TIAM1: variants seen among roughly 807,000 people sequenced by gnomAD.
TIAM1 encodes the protein TIAM Rac1 associated GEF 1, also known as rho guanine nucleotide exchange factor TIAM1.
Under a neutral mutation model 163.5 loss-of-function variants are expected in TIAM1, and 65 were observed. That is an observed-to-expected ratio of 0.40 (90% CI 0.33 to 0.49). TIAM1 has a LOEUF of 0.49. Ranked by LOEUF, TIAM1 falls within the 20% of genes least tolerant of loss-of-function variation. The probability of loss-of-function intolerance (pLI) is 0.77; values close to 1 mark genes in which losing one functional copy is unlikely to be tolerated. For synonymous variants in TIAM1, 833 were observed against 810.1 expected, an observed-to-expected ratio of 1.03 and a Z score of -0.48; for missense variants, 1,789 against 2,044.7, an observed-to-expected ratio of 0.87 and a Z score of 2.41.
At chr21:31,275,888 A>T (rs1483310552) in intron 3 of TIAM1, among the ~76,000 whole-genome samples, 1 of 152,242 alleles carries the variant, frequency 6.6e-6, no homozygotes, top group Non-Finnish European at 1.5e-5. Context: ...GATGTAAGTT[A>T]TAATGATTAA....
At chr21:31,191,227 T>C (rs2085547863) in intron 13 of TIAM1, among the ~76,000 whole-genome samples, 1 of 152,054 alleles carries the variant, frequency 6.6e-6, no homozygotes, top group African/African-American at 2.4e-5. Context: ...AGTGGCACAA[T>C]CTCAGCTCAC....
intron 2 of TIAM1, among the ~76,000 whole-genome samples, chr21:31,441,193 C>T (rs1165985213): frequency 6.6e-6 from 1 of 152,168 alleles, no homozygotes; most frequent in African/African-American, 2.4e-5. Context: ...TGCCTTTTTC[C>T]ATGTGAAAGC....
At chr21:31,370,387 T>G (rs1423373903) in intron 2 of TIAM1, among the ~76,000 whole-genome samples, 1 of 152,228 alleles carries the variant, frequency 6.6e-6, no homozygotes, top group African/African-American at 2.4e-5. Flanking sequence ...ATGGCTTTTT[T>G]ATGTTCTTAT....
chr21:31,234,387 G>A (rs2088626704), intron 6 of TIAM1, among the ~76,000 whole-genome samples: 1 of 144,614 alleles, frequency 6.9e-6, no homozygotes, highest in African/African-American at 2.6e-5. Flanking sequence ...AGGAAGGGAG[G>A]GAGGGAGGGA....
intron 4 of TIAM1, among the ~76,000 whole-genome samples, chr21:31,256,506 T>C (rs1379660113): frequency 2.0e-5 from 3 of 151,862 alleles, no homozygotes; most frequent in Non-Finnish European, 2.9e-5. Flanking sequence ...ATTAGAACTG[T>C]TTCTGGCTTG....
In TIAM1 at chr21:31,423,871, G is replaced by A. The variant is rs1352391381; in HGVS notation, c.-369+40112C>T. Among the ~76,000 whole-genome samples the A allele has an allele frequency of 5.3e-4, 65 of 122,368 alleles. 1 individual carries two copies. Among genetic ancestry groups the A allele is most frequent in the African/African-American group, 1.9e-3 (63 of 34,036 alleles). The allele number at this position is 122,368 out of a possible 152,430, so 80.3% of individuals were successfully genotyped here. A position where few individuals can be genotyped will look rare whatever the true frequency, so the allele number is the denominator to read the frequency against. On this transcript the variant is annotated intron_variant, in intron 2 of 28. Coordinates refer to the TIAM1 transcript ENST00000286827. ...ATGATTATCGGGGGGGGCGGGGGGG[G>A]GGTCAAGGGAGTTGGGGAGAAATAG...
intron 2 of TIAM1, among the ~76,000 whole-genome samples, chr21:31,337,681 G>C (rs2075888218): frequency 6.6e-6 from 1 of 151,784 alleles, no homozygotes. Context: ...ACAGGTATGT[G>C]CCACCACACC....
intron 9 of TIAM1, among the ~76,000 whole-genome samples, chr21:31,215,964 C>A (rs374299560): frequency 6.6e-6 from 1 of 152,146 alleles, no homozygotes; most frequent in Non-Finnish European, 1.5e-5. Flanking sequence ...AGTTCGAGAC[C>A]AGCCTGGCCA....
intron 2 of TIAM1, among the ~76,000 whole-genome samples, chr21:31,308,385 A>G (rs2074797874): frequency 6.6e-6 from 1 of 151,792 alleles, no homozygotes; most frequent in Non-Finnish European, 1.5e-5. Context: ...GGAGGGTTAA[A>G]TGTTTTCATA....
At chr21:31,289,883 C>T (rs2073949075) in intron 2 of TIAM1, among the ~76,000 whole-genome samples, 1 of 152,090 alleles carries the variant, frequency 6.6e-6, no homozygotes, top group African/African-American at 2.4e-5. Context: ...ACATTCACTG[C>T]CAAGTAATAT....
intron 2 of TIAM1, among the ~76,000 whole-genome samples, chr21:31,440,765 C>T (rs1457528653): frequency 1.3e-5 from 2 of 152,096 alleles, no homozygotes; most frequent in African/African-American, 4.8e-5. Flanking sequence ...CCTGTAATCC[C>T]AGCTACTGGG....
chr21:31,127,222 A>G (rs2082233626), intron 25 of TIAM1, 70 bp from the exon 26 acceptor site: 1 of 1,426,716 alleles, frequency 7.0e-7, no homozygotes, highest in East Asian at 2.3e-5. Flanking sequence ...TTGCAAAAGC[A>G]TTTTTCAGCT....
Position 31,226,004 on chromosome 21 carries a change from G to A in TIAM1, c.1585-54C>T, listed in dbSNP as rs2087946733. The stretch of plus-strand genomic sequence containing the variant: ...AAAGGCACCTCTTAGGAACTTAAGA[G>A]AAATGAACCGGAGCATTTCCAGAGA... On this transcript the variant is annotated intron_variant, in intron 6 of 27. Transcript: ENST00000541036. 3 of 1,511,650 alleles carry A rather than the reference G, an allele frequency of 2.0e-6. No individual in the cohort carries two copies. The African/African-American group carries it at 4.1e-5, about 21-fold the overall frequency. The allele number at this position is 1,511,650 out of a possible 1,614,324, so 93.6% of individuals were successfully genotyped here.
chr21:31,403,934 G>A (rs570013129), intron 2 of TIAM1, among the ~76,000 whole-genome samples: 6 of 152,272 alleles, frequency 3.9e-5, no homozygotes, highest in Middle Eastern at 3.4e-3. Context: ...TCAGCAAAGC[G>A]TGATGGGATC....
At chr21:31,209,449 C>T (rs1390013644) in intron 11 of TIAM1, among the ~76,000 whole-genome samples, 1 of 152,164 alleles carries the variant, frequency 6.6e-6, no homozygotes, top group Non-Finnish European at 1.5e-5. Flanking sequence ...AGAAAAGGAG[C>T]TCAATCATTT....
At chr21:31,451,718 C>CGTGTGTGTGTGT (rs59110882) in intron 2 of TIAM1, among the ~76,000 whole-genome samples, 12 of 142,166 alleles carry the variant, frequency 8.4e-5, no homozygotes, top group African/African-American at 3.1e-4. Flanking sequence ...CATGTGTGTG[C>CGTGTGTGTGTGT]GTGTGTGTGT....
intron 2 of TIAM1, among the ~76,000 whole-genome samples, chr21:31,321,611 A>G (rs2075315676): frequency 6.6e-6 from 1 of 151,052 alleles, no homozygotes; most frequent in Non-Finnish European, 1.5e-5. Flanking sequence ...TCGGCCTCCC[A>G]AAGTGTTGGG....
chr21:31,509,345 C>G (rs1307570309), intron 1 of TIAM1, among the ~76,000 whole-genome samples: 1 of 152,140 alleles, frequency 6.6e-6, no homozygotes, highest in African/African-American at 2.4e-5. Flanking sequence ...GCAGACATCC[C>G]CCGGCAGAGG....
intron 2 of TIAM1, among the ~76,000 whole-genome samples, chr21:31,315,497 A>C (rs1455667287): frequency 6.6e-6 from 1 of 151,382 alleles, no homozygotes; most frequent in African/African-American, 2.4e-5. Context: ...CCTGGGCAAC[A>C]GAGCAAGACT....
Sources: allele counts gnomAD v4.1 joint callset (sites outside exome capture counted in the v4.1 genomes callset), GRCh38; gene constraint gnomAD v4.1.1; transcripts MANE v1.5; gene names NCBI Gene and HGNC (gene_info 2026-07-23, HGNC 2026-07-21).